The following NIPBL variants were observed in gnomAD, a reference collection of about 807,000 sequenced individuals.
The protein encoded by NIPBL is nipped-B-like protein.
A neutral mutation model predicts 321.8 loss-of-function variants in NIPBL; 19 were observed. That is an observed-to-expected ratio of 0.06 (90% CI 0.04 to 0.09). The LOEUF (loss-of-function observed/expected upper bound fraction) is 0.09. Ranked by LOEUF, NIPBL falls within the 10% of genes least tolerant of loss-of-function variation. NIPBL has a pLI of 1.00. For missense variants in NIPBL, 2,210 were observed against 3,327.0 expected (o/e 0.66, Z 8.26); for synonymous variants, 1,106 against 1,114.1 (o/e 0.99, Z 0.14).
At chr5:36,907,756 C>T (rs1489294367) in intron 1 of NIPBL, among the ~76,000 whole-genome samples, 2 of 152,110 alleles carry the variant, frequency 1.3e-5, no homozygotes, top group Non-Finnish European at 2.9e-5. Context: ...CCTTAGTCTT[C>T]TCAGAAATGC....
chr5:37,047,979 A>C (rs1455802426), intron 38 of NIPBL, among the ~76,000 whole-genome samples: 1 of 152,220 alleles, frequency 6.6e-6, no homozygotes, highest in Non-Finnish European at 1.5e-5. Flanking sequence ...TCATCAAATG[A>C]ATATATTTTA....
chr5:36,984,605 G>A (rs1744529260), intron 9 of NIPBL, 71 bp from the exon 10 acceptor site: 21 of 1,369,454 alleles, frequency 1.5e-5, no homozygotes, highest in East Asian at 1.4e-4. Context: ...GATAAACAAC[G>A]TCCATAGGGT....
At chr5:36,950,690 T>C (rs1740189788) in intron 1 of NIPBL, among the ~76,000 whole-genome samples, 2 of 152,126 alleles carry the variant, frequency 1.3e-5, no homozygotes, top group South Asian at 4.1e-4. Flanking sequence ...TACAGTTTGG[T>C]TGCAGTTTCA....
At chr5:36,984,406 A>G (rs1744504813) in intron 9 of NIPBL, among the ~76,000 whole-genome samples, 4 of 152,108 alleles carry the variant, frequency 2.6e-5, no homozygotes, top group Non-Finnish European at 2.9e-5. Flanking sequence ...TATTCATTTT[A>G]TATTCTTACA....
At position 37,038,593 on chromosome 5, in the gene NIPBL, T is replaced by A; in HGVS notation, c.5972-9T>A. 1 of 1,612,898 alleles carries A rather than the reference T, an allele frequency of 6.2e-7. No individual in the cohort carries two copies. The highest frequency in any genetic ancestry group is 8.5e-7 in the Non-Finnish European group (1 of 1,179,290). ...TTTTAGTGTCTTATTTCTCTGTTTG[T>A]TTTTCCAGACTCTGACAATAAAGGT... On this transcript the variant is annotated splice_polypyrimidine_tract_variant and intron_variant, in intron 33 of 46. Coordinates refer to ENST00000282516, the MANE Select transcript of NIPBL (RefSeq NM_133433.4).
At chr5:37,032,294 CGGG>C (rs1751122650) in intron 32 of NIPBL, among the ~76,000 whole-genome samples, 1 of 151,618 alleles carries the variant, frequency 6.6e-6, no homozygotes, top group Non-Finnish European at 1.5e-5. Flanking sequence ...AAGGAAAAAA[CGGG>C]GAGTATACTG....
Position 36,961,466 on chromosome 5 carries a change from T to G in NIPBL, c.359-18T>G. The G allele has an allele frequency of 1.4e-6, 2 of 1,417,254 alleles. No individual in the cohort carries two copies. Among genetic ancestry groups the G allele is most frequent in the Non-Finnish European group, 2.0e-6 (2 of 1,000,546 alleles). The allele number at this position is 1,417,254 out of a possible 1,614,324, so 87.8% of individuals were successfully genotyped here. On this transcript the variant is annotated intron_variant, in intron 4 of 46. Transcript: ENST00000282516. Reference sequence around the variant, plus strand: ...TGTTAGAAGAAAATAACGTTCTGTATTTTTGTGTTTTGCATAGGAATGATG... The same window carrying G: ...TGTTAGAAGAAAATAACGTTCTGTAGTTTTGTGTTTTGCATAGGAATGATG...
chr5:37,031,203 C>G (rs185888844), intron 32 of NIPBL, among the ~76,000 whole-genome samples: 2 of 152,078 alleles, frequency 1.3e-5, no homozygotes, highest in African/African-American at 4.8e-5. Context: ...CCAGGCTGGT[C>G]TTGAACTCCA....
At chr5:36,888,081 G>C (rs530688457) in intron 1 of NIPBL, among the ~76,000 whole-genome samples, 47 of 152,140 alleles carry the variant, frequency 3.1e-4, no homozygotes, top group Non-Finnish European at 4.9e-4. Flanking sequence ...CCAATGTTTT[G>C]ATTCTGTGAG....
At chr5:36,990,661 T>C (rs773036864) in intron 10 of NIPBL, among the ~76,000 whole-genome samples, 17 of 152,196 alleles carry the variant, frequency 1.1e-4, no homozygotes, top group Non-Finnish European at 2.1e-4. Context: ...CTTGTGACTT[T>C]AGAGCAGTAT....
At chr5:36,963,892 A>G (rs146026088) in intron 6 of NIPBL, among the ~76,000 whole-genome samples, 47 of 152,298 alleles carry the variant, frequency 3.1e-4, no homozygotes, top group African/African-American at 1.1e-3. Flanking sequence ...AAATACTATT[A>G]TACTCAAGTA....
intron 25 of NIPBL, among the ~76,000 whole-genome samples, chr5:37,019,658 T>G (rs932438713): frequency 6.6e-6 from 1 of 152,198 alleles, no homozygotes; most frequent in Non-Finnish European, 1.5e-5. Flanking sequence ...CCGTAAGTGA[T>G]CTTTGAGGCT....
At chr5:37,007,512 C>T (rs755278321) in intron 18 of NIPBL, 38 bp downstream of exon 18, 1 of 1,483,754 alleles carries the variant, frequency 6.7e-7, no homozygotes, top group Non-Finnish European at 9.4e-7. Flanking sequence ...TATTTCTAAA[C>T]TAAATGATTA....
intron 42 of NIPBL, among the ~76,000 whole-genome samples, chr5:37,056,605 C>T (rs190014980): frequency 2.0e-5 from 3 of 152,232 alleles, no homozygotes; most frequent in Admixed American, 6.5e-5. Context: ...AGGAAACTGA[C>T]AAATGTTTAT....
rs200982549 is a variant in NIPBL, at chr5:37,022,397, T to G, written c.5574+7T>G. On this transcript the variant is annotated splice_region_variant and intron_variant, in intron 29 of 46. Transcript: ENST00000282516. The stretch of plus-strand genomic sequence containing the variant: ...GCTGATTGAAAGAATATTGGTATGT[T>G]TGTCATTTTTATAATGATTCGTGAA... 12 of 1,596,244 alleles carry G rather than the reference T, an allele frequency of 7.5e-6. No individual in the cohort carries two copies. In the African/African-American group the frequency reaches 1.5e-4, roughly 20 times the overall value.
intron 1 of NIPBL, among the ~76,000 whole-genome samples, chr5:36,928,206 C>T (rs1749511057): frequency 6.6e-6 from 1 of 152,074 alleles, no homozygotes; most frequent in African/African-American, 2.4e-5. Context: ...TGAATCTTTT[C>T]AAAACAGGGT....
At chr5:36,899,108 T>C (rs1285934091) in intron 1 of NIPBL, among the ~76,000 whole-genome samples, 1 of 152,212 alleles carries the variant, frequency 6.6e-6, no homozygotes, top group Non-Finnish European at 1.5e-5. Flanking sequence ...CAAAATTTCT[T>C]TGATTCTCAC....
chr5:37,025,687 A>C (rs1750183385), intron 30 of NIPBL, among the ~76,000 whole-genome samples: 1 of 152,222 alleles, frequency 6.6e-6, no homozygotes, highest in Non-Finnish European at 1.5e-5. Flanking sequence ...AACACAAAGA[A>C]ATGGTAAGTG....
At position 37,000,497 on chromosome 5, in the gene NIPBL, T is replaced by C. The variant is rs777976223; in HGVS notation, c.3429T>C (p.Gly1143=). ...HSHEGRRSSG[G]GRYRNRSPSD... is the part of the protein sequence containing the mutation. ...ATGAAGGAAGAAGGAGTTCAGGTGG[T>C]GGTCGTTATCGAAACCGAAGTCCGT... The change falls in exon 12 of 47, where the codon GGT becomes GGC. Residue 1143 remains glycine (G), a synonymous_variant. Transcript: ENST00000282516. 18 of 1,613,378 alleles carry C rather than the reference T, an allele frequency of 1.1e-5. No individual in the cohort carries two copies. The East Asian group carries it at 4.0e-4, about 36-fold the overall frequency.
Sources: gnomAD v4.1 joint callset for allele counts (sites outside exome capture counted in the v4.1 genomes callset) on GRCh38, gnomAD v4.1.1 for gene constraint, MANE v1.5 for transcripts, NCBI Gene and HGNC (gene_info 2026-07-23, HGNC 2026-07-21) for gene names.